The following CRIM1 variants were observed in gnomAD, a reference collection of about 807,000 sequenced individuals.
The protein encoded by CRIM1 is cysteine-rich motor neuron 1 protein.
Under a neutral mutation model 116.4 loss-of-function variants are expected in CRIM1, and 32 were observed. The observed-to-expected ratio is 0.27, with a 90% CI of 0.21 to 0.37. The LOEUF (loss-of-function observed/expected upper bound fraction) is 0.37, where lower values mean the gene tolerates loss of function less well. CRIM1 is among the 10% of genes least tolerant of loss of function. The pLI is 1.00. For missense variants in CRIM1, 1,331 were observed against 1,354.8 expected (o/e 0.98, Z 0.28); for synonymous variants, 590 against 509.2 (o/e 1.16, Z -2.13).
At chr2:36,506,964 A>G (rs1291522477) in intron 8 of CRIM1, among the ~76,000 whole-genome samples, 1 of 151,884 alleles carries the variant, frequency 6.6e-6, no homozygotes, top group Admixed American at 6.6e-5. Flanking sequence ...GGTTCAAGTA[A>G]TCCTCTTGCC....
At chr2:36,502,328 T>C (rs879642159) in intron 8 of CRIM1, among the ~76,000 whole-genome samples, 3 of 152,224 alleles carry the variant, frequency 2.0e-5, no homozygotes, top group Non-Finnish European at 4.4e-5. Context: ...ATAAGGAGGA[T>C]GCATATTTAC....
intron 1 of CRIM1, among the ~76,000 whole-genome samples, chr2:36,384,213 C>T (rs72785173): frequency 0.12 from 17,986 of 152,182 alleles, 1,325 homozygotes; most frequent in Non-Finnish European, 0.16. Context: ...GTAGGATGTT[C>T]CAGACAGAGG....
intron 1 of CRIM1, among the ~76,000 whole-genome samples, chr2:36,358,129 G>A (rs62134619): frequency 0.63 from 95,112 of 151,420 alleles, 30,036 homozygotes; most frequent in Admixed American, 0.67. Context: ...TAAGACATTG[G>A]GTTAGAAGAG....
intron 11 of CRIM1, among the ~76,000 whole-genome samples, chr2:36,515,124 A>C (rs543635249): frequency 6.6e-6 from 1 of 152,242 alleles, no homozygotes; most frequent in African/African-American, 2.4e-5. Context: ...ATGTGTTTGC[A>C]TGAAGACCCC....
At chr2:36,538,219 G>A (rs1241162687) in intron 14 of CRIM1, among the ~76,000 whole-genome samples, 1 of 152,114 alleles carries the variant, frequency 6.6e-6, no homozygotes, top group East Asian at 1.9e-4. Context: ...GCTGCCCAGA[G>A]CCTCACCTAG....
At chr2:36,429,596 G>A (rs1179113680) in intron 2 of CRIM1, among the ~76,000 whole-genome samples, 1 of 152,184 alleles carries the variant, frequency 6.6e-6, no homozygotes, top group Non-Finnish European at 1.5e-5. Context: ...CACACAGAAA[G>A]AGAGAAAGCA....
intron 1 of CRIM1, among the ~76,000 whole-genome samples, chr2:36,370,051 C>T (rs943127030): frequency 6.6e-5 from 10 of 152,272 alleles, no homozygotes; most frequent in Non-Finnish European, 1.2e-4. Context: ...AATAAAAGGT[C>T]GCACATTGTT....
intron 2 of CRIM1, among the ~76,000 whole-genome samples, chr2:36,414,910 A>C (rs2110930): frequency 0.02 from 3,003 of 152,288 alleles, 92 homozygotes; most frequent in African/African-American, 0.068. Context: ...AAGAGTTTGA[A>C]GCTTCAGATG....
In CRIM1 at chr2:36,422,001, A is replaced by G. The variant is rs139774480; in HGVS notation, c.506-19257A>G. Among the ~76,000 whole-genome samples, 787 of 152,096 alleles carry G rather than the reference A, an allele frequency of 5.2e-3. 6 individuals are homozygous for G. The highest frequency in any genetic ancestry group is 0.018 in the African/African-American group (750 of 41,474). The stretch of plus-strand genomic sequence containing the variant: ...TGGAGAATTCTATTTTTGCTAAAAC[A>G]TAAGCTTAAACTATTAGGCACTGAG... On this transcript the variant is annotated intron_variant, in intron 2 of 16. Coordinates refer to ENST00000280527, the MANE Select transcript of CRIM1 (RefSeq NM_016441.3).
intron 1 of CRIM1, among the ~76,000 whole-genome samples, chr2:36,359,404 A>T (rs1330213102): frequency 6.6e-6 from 1 of 152,166 alleles, no homozygotes; most frequent in Non-Finnish European, 1.5e-5. Context: ...TTACTCTCAT[A>T]CTGGCTTTGT....
intron 2 of CRIM1, among the ~76,000 whole-genome samples, chr2:36,430,483 C>G (rs552730042): frequency 1.3e-5 from 2 of 152,302 alleles, no homozygotes; most frequent in East Asian, 3.9e-4. Context: ...AGTTGTAGTT[C>G]AGGATGGAAA....
At chr2:36,358,687 C>G (rs935619916) in intron 1 of CRIM1, among the ~76,000 whole-genome samples, 1 of 152,034 alleles carries the variant, frequency 6.6e-6, no homozygotes, top group Non-Finnish European at 1.5e-5. Flanking sequence ...ATGATTATAT[C>G]TCAATTAGTT....
At chr2:36,535,531 C>T (rs1057243541) in intron 13 of CRIM1, among the ~76,000 whole-genome samples, 2 of 152,280 alleles carry the variant, frequency 1.3e-5, no homozygotes, top group South Asian at 4.1e-4. Context: ...ACAACTAGAA[C>T]TTTCCATGAT....
At chr2:36,472,711 G>A (rs1678628558) in intron 5 of CRIM1, among the ~76,000 whole-genome samples, 2 of 152,080 alleles carry the variant, frequency 1.3e-5, no homozygotes, top group African/African-American at 2.4e-5. Flanking sequence ...GTATTGATTG[G>A]TTTATTTTTT....
intron 4 of CRIM1, among the ~76,000 whole-genome samples, chr2:36,443,284 T>G (rs1219952895): frequency 6.6e-6 from 1 of 152,206 alleles, no homozygotes; most frequent in Non-Finnish European, 1.5e-5. Context: ...TTAACCCTAG[T>G]AGCAGGGCAT....
chr2:36,513,467 G>A, intron 10 of CRIM1, 89 bp from the exon 11 acceptor site: 1 of 977,554 alleles, frequency 1.0e-6, no homozygotes, highest in East Asian at 2.4e-5. Context: ...AATTGTTGGT[G>A]GCTGGGGTCC....
intron 2 of CRIM1, among the ~76,000 whole-genome samples, chr2:36,418,688 A>G (rs768325267): frequency 6.6e-6 from 1 of 152,226 alleles, no homozygotes; most frequent in Non-Finnish European, 1.5e-5. Flanking sequence ...GAAACAAGGT[A>G]AAGCTGCCTT....
At chr2:36,357,421 G>T (rs1668924065) in intron 1 of CRIM1, among the ~76,000 whole-genome samples, 1 of 152,106 alleles carries the variant, frequency 6.6e-6, no homozygotes, top group African/African-American at 2.4e-5. Flanking sequence ...GGATTGTTCT[G>T]CTGGCTTCTC....
chr2:36,509,775 T>G (rs140513417), intron 8 of CRIM1, among the ~76,000 whole-genome samples: 192 of 152,304 alleles, frequency 1.3e-3, no homozygotes, highest in African/African-American at 4.4e-3. Context: ...AAGTTGGACT[T>G]TATTTTGTTT....
Sources: allele counts gnomAD v4.1 joint callset (sites outside exome capture counted in the v4.1 genomes callset), GRCh38; gene constraint gnomAD v4.1.1; transcripts MANE v1.5; gene names NCBI Gene and HGNC (gene_info 2026-07-23, HGNC 2026-07-21).